The following TYW1B variants were observed in gnomAD, a reference collection of about 807,000 sequenced individuals.
TYW1B encodes the protein tRNA-yW synthesizing protein 1 homolog B.
A neutral mutation model predicts 86.9 loss-of-function variants in TYW1B; 73 were observed. The observed-to-expected ratio is 0.84, with a 90% confidence interval of 0.70 to 1.02. TYW1B has a LOEUF of 1.02. Ranked by LOEUF, TYW1B falls within the 50% of genes least tolerant of loss-of-function variation. The pLI is 0.00. For missense variants in TYW1B, 637 were observed against 827.4 expected, an observed-to-expected ratio of 0.77 and a Z score of 2.82; for synonymous variants, 248 against 292.8, an observed-to-expected ratio of 0.85 and a Z score of 1.56.
At chr7:72,619,236 C>T (rs190368259) in intron 12 of TYW1B, among the ~76,000 whole-genome samples, 9 of 152,308 alleles carry the variant, frequency 5.9e-5, no homozygotes, top group Admixed American at 4.6e-4. Flanking sequence ...TTTCCCCCCT[C>T]AAAAACCCTA....
At chr7:72,701,693 T>C (rs1180873739) in intron 10 of TYW1B, among the ~76,000 whole-genome samples, 1 of 152,178 alleles carries the variant, frequency 6.6e-6, no homozygotes, top group Non-Finnish European at 1.5e-5. Context: ...TTTTTTGCTG[T>C]TTGTTGTGTT....
At chr7:72,614,896 A>G (rs533294804) in intron 13 of TYW1B, among the ~76,000 whole-genome samples, 15 of 152,346 alleles carry the variant, frequency 9.8e-5, no homozygotes, top group Non-Finnish European at 1.6e-4. Context: ...CCCATTTTCC[A>G]GATGAAAAGC....
At chr7:72,708,881 T>G (rs1233023284) in intron 10 of TYW1B, among the ~76,000 whole-genome samples, 1 of 152,208 alleles carries the variant, frequency 6.6e-6, no homozygotes, top group Non-Finnish European at 1.5e-5. Flanking sequence ...TTGAAACTTG[T>G]GGTTTTATGA....
intron 12 of TYW1B, among the ~76,000 whole-genome samples, chr7:72,620,841 A>G (rs1179766386): frequency 4.6e-5 from 7 of 152,202 alleles, no homozygotes; most frequent in Non-Finnish European, 1.0e-4. Flanking sequence ...ATAGATGGGT[A>G]CAGCGTGGTG....
intron 13 of TYW1B, among the ~76,000 whole-genome samples, chr7:72,609,015 C>A (rs6954801): frequency 6.6e-6 from 1 of 152,138 alleles, no homozygotes; most frequent in South Asian, 2.1e-4. Flanking sequence ...GTTGTACCAA[C>A]GTCTATTTCC....
At chr7:72,663,011 G>T (rs2129569485) in intron 11 of TYW1B, among the ~76,000 whole-genome samples, 1 of 152,094 alleles carries the variant, frequency 6.6e-6, no homozygotes, top group Middle Eastern at 3.4e-3. Flanking sequence ...AATCAAACAT[G>T]ATGATTCTCA....
rs189563732 is a variant in TYW1B at position 72,644,360 on chromosome 7, C to A, written c.1507-15363G>T. 2.1e-3 allele frequency among the ~76,000 whole-genome samples: 322 copies of A among 152,124 alleles called. 2 individuals are homozygous for A. Among genetic ancestry groups the A allele is most frequent in the African/African-American group, 7.5e-3 (310 of 41,516 alleles). ...GTCAGGAGTTCGAGACCAGCCTGGC[C>A]AAGATGGTGAAGCCCTGTCTCTACT... is the stretch of plus-strand genomic sequence containing the variant. On this transcript the variant is annotated intron_variant, in intron 11 of 13. Transcript: ENST00000620995.
intron 8 of TYW1B, among the ~76,000 whole-genome samples, chr7:72,729,408 A>C (rs546513364): frequency 6.6e-6 from 1 of 152,222 alleles, no homozygotes; most frequent in African/African-American, 2.4e-5. Flanking sequence ...CCAAGCAGCT[A>C]CAACACAATG....
At chr7:72,802,907 A>G (rs1431143768) in intron 5 of TYW1B, among the ~76,000 whole-genome samples, 2 of 152,040 alleles carry the variant, frequency 1.3e-5, no homozygotes, top group Non-Finnish European at 2.9e-5. Context: ...AGGCGTCAAC[A>G]ACAGCGCTCG....
chr7:72,694,909 T>A (rs2129570283), intron 10 of TYW1B, 87 bp from the exon 11 acceptor site: 1 of 1,441,004 alleles, frequency 6.9e-7, no homozygotes, highest in East Asian at 2.4e-5. Context: ...TAGACATGGG[T>A]ATTAAACACT....
intron 11 of TYW1B, among the ~76,000 whole-genome samples, chr7:72,684,038 GAA>G (rs1343815421): frequency 6.6e-6 from 1 of 152,090 alleles, no homozygotes; most frequent in Admixed American, 6.6e-5. Context: ...AAAGCAAAAT[GAA>G]AAAAGACTGA....
At chr7:72,746,877 G>C (rs1187266600) in intron 7 of TYW1B, among the ~76,000 whole-genome samples, 13 of 152,316 alleles carry the variant, frequency 8.5e-5, no homozygotes, top group African/African-American at 3.1e-4. Context: ...AGAAGCATGT[G>C]AGAAGAGGAT....
At chr7:72,818,513 AG>A (rs1308772734) in intron 2 of TYW1B, among the ~76,000 whole-genome samples, 1 of 135,878 alleles carries the variant, frequency 7.4e-6, no homozygotes, top group Non-Finnish European at 1.5e-5. Context: ...TGGGAGGCAG[AG>A]GCTGCAGTGA....
intron 11 of TYW1B, among the ~76,000 whole-genome samples, chr7:72,686,687 T>C (rs1233627003): frequency 6.6e-6 from 1 of 152,136 alleles, no homozygotes; most frequent in East Asian, 1.9e-4. Context: ...CAATGAACCC[T>C]AATGTAAAAT....
At chr7:72,722,219 T>C (rs1360372221) in intron 9 of TYW1B, among the ~76,000 whole-genome samples, 1 of 152,220 alleles carries the variant, frequency 6.6e-6, no homozygotes, top group African/African-American at 2.4e-5. Flanking sequence ...ATACCTAGCT[T>C]GTGAAAACCA....
chr7:72,713,839 A>T, intron 9 of TYW1B, 41 bp from the exon 10 acceptor site: 10 of 1,507,962 alleles, frequency 6.6e-6, no homozygotes, highest in Non-Finnish European at 8.9e-6. Context: ...CATAAGGCAC[A>T]GATAGAGGAT....
chr7:72,709,654 C>T (rs1313831082), intron 10 of TYW1B, among the ~76,000 whole-genome samples: 27 of 151,936 alleles, frequency 1.8e-4, no homozygotes, highest in Non-Finnish European at 3.2e-4. Flanking sequence ...GGTGACAGAG[C>T]GAGACTCCGT....
intron 13 of TYW1B, among the ~76,000 whole-genome samples, chr7:72,586,609 T>C (rs1811282980): frequency 6.6e-6 from 1 of 152,098 alleles, no homozygotes; most frequent in South Asian, 2.1e-4. Context: ...TGGTGGTGCA[T>C]GCCCGTAATC....
intron 11 of TYW1B, among the ~76,000 whole-genome samples, chr7:72,645,234 G>C (rs1207471411): frequency 5.9e-5 from 9 of 152,274 alleles, no homozygotes; most frequent in East Asian, 5.8e-4. Context: ...GCAATGGAGA[G>C]AGAAGATATA....
Sources: allele counts gnomAD v4.1 joint callset (sites outside exome capture counted in the v4.1 genomes callset), GRCh38; gene constraint gnomAD v4.1.1; transcripts MANE v1.5; gene names NCBI Gene and HGNC (gene_info 2026-07-23, HGNC 2026-07-21).